Variants in LRRC7 observed in about 807,000 individuals in gnomAD.
The protein encoded by LRRC7 is leucine-rich repeat-containing protein 7.
A neutral mutation model predicts 175.7 loss-of-function variants in LRRC7; 23 were observed. The observed-to-expected ratio is 0.13, with a 90% confidence interval of 0.09 to 0.19. The LOEUF is 0.19. Ranked by LOEUF, LRRC7 falls within the 10% of genes least tolerant of loss-of-function variation. The probability of loss-of-function intolerance (pLI) is 1.00; values close to 1 mark genes in which losing one functional copy is unlikely to be tolerated. For missense variants in LRRC7, 1,354 were observed against 1,904.7 expected, an observed-to-expected ratio of 0.71 and a Z score of 5.38; for synonymous variants, 685 against 680.9, an observed-to-expected ratio of 1.01 and a Z score of -0.09.
At chr1:69,949,033 A>G (rs544335809) in intron 8 of LRRC7, among the ~76,000 whole-genome samples, 6 of 152,020 alleles carry the variant, frequency 3.9e-5, no homozygotes, top group Non-Finnish European at 5.9e-5. Flanking sequence ...TGGACTAACT[A>G]TGGCCTGTTT....
chr1:69,996,697 T>C (rs1348019932), intron 11 of LRRC7, among the ~76,000 whole-genome samples: 1 of 152,146 alleles, frequency 6.6e-6, no homozygotes, highest in Non-Finnish European at 1.5e-5. Flanking sequence ...TTGTCAAAGA[T>C]CAGATAGTTG....
intron 8 of LRRC7, among the ~76,000 whole-genome samples, 184 bp downstream of exon 8, chr1:69,931,754 C>G (rs1388758877): frequency 6.6e-6 from 1 of 152,104 alleles, no homozygotes; most frequent in Non-Finnish European, 1.5e-5. Flanking sequence ...GAGCCAGATA[C>G]AAATTGATAG....
chr1:69,862,826 A>AC (rs1277929214), intron 7 of LRRC7, among the ~76,000 whole-genome samples: 2 of 149,914 alleles, frequency 1.3e-5, no homozygotes, highest in Non-Finnish European at 3.0e-5. Flanking sequence ...CCTCCCTTAG[A>AC]CCCCCCACCC....
intron 1 of LRRC7, among the ~76,000 whole-genome samples, chr1:69,666,712 A>T (rs1658322676): frequency 1.3e-5 from 2 of 150,608 alleles, no homozygotes; most frequent in Admixed American, 1.3e-4. Flanking sequence ...CCCCCTTTTT[A>T]CTCTGGCTAA....
chr1:69,858,845 T>C (rs1435555012), intron 7 of LRRC7, among the ~76,000 whole-genome samples: 1 of 152,174 alleles, frequency 6.6e-6, no homozygotes, highest in Non-Finnish European at 1.5e-5. Context: ...TCTTTTTATT[T>C]ATCTTGGTAA....
chr1:69,572,321 G>A (rs1331216873), intron 1 of LRRC7, among the ~76,000 whole-genome samples: 2 of 151,934 alleles, frequency 1.3e-5, no homozygotes, highest in East Asian at 1.9e-4. Flanking sequence ...CTATAATGAA[G>A]CAAATTATAT....
chr1:69,669,908 A>G (rs1438230536), intron 1 of LRRC7, among the ~76,000 whole-genome samples: 1 of 152,078 alleles, frequency 6.6e-6, no homozygotes, highest in South Asian at 2.1e-4. Flanking sequence ...TCAATTCCAG[A>G]ATTTCTGCTT....
intron 9 of LRRC7, among the ~76,000 whole-genome samples, chr1:69,983,276 C>G (rs753899737): frequency 7.2e-5 from 11 of 152,180 alleles, no homozygotes; most frequent in Non-Finnish European, 1.5e-4. Context: ...CACTCTGCAC[C>G]CACATGGGAA....
intron 1 of LRRC7, among the ~76,000 whole-genome samples, chr1:69,591,879 A>G (rs886344698): frequency 8.5e-5 from 13 of 152,082 alleles, no homozygotes; most frequent in Non-Finnish European, 1.5e-4. Context: ...CAGTAATACA[A>G]AAACTCCCTC....
chr1:69,859,132 G>A (rs966610221), intron 7 of LRRC7, among the ~76,000 whole-genome samples: 2 of 152,094 alleles, frequency 1.3e-5, no homozygotes, highest in African/African-American at 4.8e-5. Flanking sequence ...AAAAAAGTTT[G>A]CATGGATCTA....
At chr1:69,883,200 C>A (rs1057054487) in intron 7 of LRRC7, among the ~76,000 whole-genome samples, 35 of 151,480 alleles carry the variant, frequency 2.3e-4, no homozygotes, top group African/African-American at 8.0e-4. Flanking sequence ...CTGACTTCCA[C>A]AATGGTTGAA....
chr1:69,828,772 A>T (rs773459676), intron 5 of LRRC7, among the ~76,000 whole-genome samples: 14 of 151,992 alleles, frequency 9.2e-5, no homozygotes, highest in Non-Finnish European at 1.6e-4. Flanking sequence ...AGATGTTTTG[A>T]TGTAAAATGC....
intron 8 of LRRC7, among the ~76,000 whole-genome samples, chr1:69,953,079 A>G (rs1298174832): frequency 1.3e-5 from 2 of 151,700 alleles, no homozygotes; most frequent in Non-Finnish European, 2.9e-5. Flanking sequence ...GTAGTATTCA[A>G]GGTCTCCTAA....
chr1:70,029,625 C>T (rs181480753), intron 18 of LRRC7, among the ~76,000 whole-genome samples: 75 of 152,144 alleles, frequency 4.9e-4, no homozygotes, highest in Admixed American at 6.6e-4. Flanking sequence ...TCAAAGATCT[C>T]GCTGCAATAT....
intron 7 of LRRC7, among the ~76,000 whole-genome samples, chr1:69,898,369 G>A (rs1214312985): frequency 1.3e-5 from 2 of 152,196 alleles, no homozygotes; most frequent in African/African-American, 2.4e-5. Context: ...AAGTTACATA[G>A]GGAGATTATG....
chr1:70,039,856 T>C (rs1659709551), intron 21 of LRRC7, 63 bp downstream of exon 21: 10 of 1,513,100 alleles, frequency 6.6e-6, no homozygotes, highest in Non-Finnish European at 8.8e-6. Flanking sequence ...TATTGGCATT[T>C]CTAAGCACAT....
chr1:69,638,236 T>C (rs1653695652), intron 1 of LRRC7, among the ~76,000 whole-genome samples: 1 of 151,860 alleles, frequency 6.6e-6, no homozygotes, highest in Admixed American at 6.6e-5. Context: ...TGTCAAAAAT[T>C]ATATTCATTT....
At position 70,088,979 on chromosome 1, in the gene LRRC7, A is replaced by G. The variant is rs572228158; in HGVS notation, c.4453-748A>G. 5.3e-5 allele frequency among the ~76,000 whole-genome samples: 8 copies of G among 152,236 alleles called. No individual in the cohort carries two copies. The South Asian group carries it at 1.7e-3, about 32-fold the overall frequency. ...GGATGTTGGGGAGGTAATATAACAG[A>G]ACATTAGAATGTTTGCCCTTGTGTT... On this transcript the variant is annotated intron_variant, in intron 24 of 26. Coordinates refer to ENST00000651989, the MANE Select transcript of LRRC7 (RefSeq NM_001370785.2).
intron 7 of LRRC7, among the ~76,000 whole-genome samples, chr1:69,865,627 C>G (rs901056150): frequency 6.6e-6 from 1 of 151,372 alleles, no homozygotes; most frequent in African/African-American, 2.4e-5. Context: ...ACTACAGGCG[C>G]CCGCCACCAT....
Sources: gnomAD v4.1 joint callset for allele counts (sites outside exome capture counted in the v4.1 genomes callset) on GRCh38, gnomAD v4.1.1 for gene constraint, MANE v1.5 for transcripts, NCBI Gene and HGNC (gene_info 2026-07-23, HGNC 2026-07-21) for gene names.